SLC17A3: variants seen among roughly 807,000 people sequenced by gnomAD.
SLC17A3 encodes the protein solute carrier family 17 member 3.
In SLC17A3, 61 loss-of-function variants were observed where a neutral mutation model predicts 60.3. That is an observed-to-expected ratio of 1.01 (90% confidence interval 0.82 to 1.25). The LOEUF is 1.25. Among genes scored for constraint, SLC17A3 ranks in the 50% most tolerant of loss-of-function variants. The pLI, the probability that SLC17A3 is intolerant of heterozygous loss-of-function variation, is 0.00. For synonymous variants in SLC17A3, 192 were observed against 208.9 expected (o/e 0.92, Z 0.70); for missense variants, 624 against 594.9 (o/e 1.05, Z -0.51).
Position 25,856,788 on chromosome 6 carries a change from A to G in SLC17A3, c.626-1558T>C, listed in dbSNP as rs1457777436. Among the ~76,000 whole-genome samples the G allele has an allele frequency of 2.6e-5, 4 of 151,216 alleles. No homozygotes were observed. The East Asian group carries it at 7.8e-4, about 30-fold the overall frequency. The stretch of plus-strand genomic sequence containing the variant: ...CTTGAACCCAGGAGGCGGAGGTTGC[A>G]GTGAGCCGAGATTGCGCCACTGCAC... On this transcript the variant is annotated intron_variant, in intron 5 of 12. Coordinates refer to ENST00000397060, the MANE Select transcript of SLC17A3 (RefSeq NM_001098486.2).
At chr6:25,862,153 A>T in intron 3 of SLC17A3, 80 bp downstream of exon 3, 2 of 1,446,150 alleles carry the variant, frequency 1.4e-6, no homozygotes, top group Non-Finnish European at 1.9e-6. Context: ...GTTTTTAAAC[A>T]TACATACTCT....
rs1482371394 is a variant in SLC17A3, at chr6:25,861,634, A to T, written c.615T>A (p.Ile205=). ...ATTACATGTCCTTACCTGATAAAGC[A>T]ATGCTGCAGAGTCTGCTTCGTTCTT... ...PPQERSRLCS[I]ALSGMLLGCF... The change falls in exon 5 of 13, where the codon ATT becomes ATA. Residue 205 remains isoleucine (I), a synonymous_variant. Transcript: ENST00000397060. 3.1e-6 allele frequency: 5 copies of T among 1,613,798 alleles called. No homozygotes were observed. Among genetic ancestry groups the T allele is most frequent in the Non-Finnish European group, 4.2e-6 (5 of 1,179,786 alleles).
rs189283012 is a variant in SLC17A3 at position 25,849,561 on chromosome 6, C to T, written c.1272-97G>A. 61 of 781,830 alleles carry T rather than the reference C, an allele frequency of 7.8e-5. No individual in the cohort carries two copies. The African/African-American group carries it at 8.6e-4, about 11-fold the overall frequency. 48.4% of individuals were successfully genotyped at this position (781,830 alleles called of 1,614,324 possible). On this transcript the variant is annotated intron_variant, in intron 10 of 12. Transcript: ENST00000397060. ...ATGAATCTATAACTCAATTATATTT[C>T]ACAATTATATATAATTATAATTAGA...
intron 5 of SLC17A3, 53 bp downstream of exon 5, chr6:25,861,571 C>G: frequency 7.0e-7 from 1 of 1,434,434 alleles, no homozygotes; most frequent in South Asian, 1.1e-5. Flanking sequence ...GTCAAGGAAC[C>G]CAGTGGGAAA....
At chr6:25,857,273 TTAAC>T (rs1185570115) in intron 5 of SLC17A3, among the ~76,000 whole-genome samples, 2 of 151,652 alleles carry the variant, frequency 1.3e-5, no homozygotes, top group African/African-American at 4.9e-5. Context: ...TTTTCTATCT[TTAAC>T]TATTATTTTT....
At chr6:25,870,326 C>G (rs892712904) in intron 1 of SLC17A3, among the ~76,000 whole-genome samples, 6 of 151,942 alleles carry the variant, frequency 3.9e-5, no homozygotes, top group African/African-American at 4.8e-5. Flanking sequence ...GCTGGGTCAA[C>G]CTGCATTGTT....
intron 1 of SLC17A3, among the ~76,000 whole-genome samples, chr6:25,869,490 G>A (rs765054326): frequency 2.0e-5 from 3 of 151,952 alleles, no homozygotes; most frequent in Non-Finnish European, 4.4e-5. Flanking sequence ...TCAGAGGTAT[G>A]TTTTCACCAA....
intron 5 of SLC17A3, among the ~76,000 whole-genome samples, chr6:25,855,651 T>C (rs558223302): frequency 6.6e-6 from 1 of 152,160 alleles, no homozygotes; most frequent in South Asian, 2.1e-4. Context: ...ATAAATAATA[T>C]ATATCTACAC....
rs1581518019 is a variant in SLC17A3 at position 25,846,621 on chromosome 6, C to CT, written c.1363-1106dup. Reference sequence around the variant, plus strand: ...TGGAAATATTCTTTTCTTTTCTTTTCTTTTTTTGAGACAGAGTCTCACTTT... The same window carrying CT: ...TGGAAATATTCTTTTCTTTTCTTTTCTTTTTTTTGAGACAGAGTCTCACTTT... On this transcript the variant is annotated intron_variant, in intron 11 of 12. Transcript: ENST00000397060. Among the ~76,000 whole-genome samples, 5 of 152,136 alleles carry CT rather than the reference C, an allele frequency of 3.3e-5. No individual in the cohort carries two copies. The South Asian group carries it at 1.0e-3, about 32-fold the overall frequency.
chr6:25,857,653 AT>A (rs1255173838), intron 5 of SLC17A3, among the ~76,000 whole-genome samples: 1 of 152,174 alleles, frequency 6.6e-6, no homozygotes, highest in Non-Finnish European at 1.5e-5. Flanking sequence ...AGAGAGAAAA[AT>A]TAAATAACTT....
intron 2 of SLC17A3, among the ~76,000 whole-genome samples, chr6:25,863,245 T>C (rs1235546929): frequency 5.9e-5 from 9 of 152,016 alleles, no homozygotes; most frequent in Non-Finnish European, 1.3e-4. Context: ...AGTTAAAATC[T>C]GGGGAAAGAA....
chr6:25,850,091 T>C lies in SLC17A3; in HGVS notation c.1080A>G (p.Lys360=), dbSNP rs963194692. 2.5e-6 allele frequency: 4 copies of C among 1,613,836 alleles called. No homozygotes were observed. Among genetic ancestry groups the C allele is most frequent in the Non-Finnish European group, 3.4e-6 (4 of 1,179,866 alleles). The change falls in exon 9 of 13, where the codon AAA becomes AAG. Residue 360 remains lysine (K), a synonymous_variant. Coordinates refer to ENST00000397060, the MANE Select transcript of SLC17A3 (RefSeq NM_001098486.2). ...TCCTCACAGTGATGAGTCTAAACTT[T>C]TTGGTTAGAAGGAAATCTGCCAGAT... ...GGYLADFLLT[K]KFRLITVRKI...
At chr6:25,862,080 C>A in intron 3 of SLC17A3, 51 bp from the exon 4 acceptor site, 7 of 1,479,540 alleles carry the variant, frequency 4.7e-6, no homozygotes, top group Non-Finnish European at 5.5e-6. Flanking sequence ...AAGGTTCTTA[C>A]ATACCCTAGA....
At chr6:25,862,495 T>C in intron 2 of SLC17A3, 51 bp from the exon 3 acceptor site, 1 of 1,409,924 alleles carries the variant, frequency 7.1e-7, no homozygotes, top group East Asian at 2.3e-5. Flanking sequence ...GAGCTAACAT[T>C]AGTTTTTCAC....
chr6:25,856,363 A>T lies in SLC17A3; in HGVS notation c.626-1133T>A, dbSNP rs567689299. ...GCAATCCTTCCACATCAACCTCCGA[A>T]GAAATGGAATGACAGGTGCATGCCA... On this transcript the variant is annotated intron_variant, in intron 5 of 12. Transcript: ENST00000397060. Among the ~76,000 whole-genome samples, 4 of 152,278 alleles carry T rather than the reference A, an allele frequency of 2.6e-5. No homozygotes were observed. The South Asian group carries it at 8.3e-4, about 32-fold the overall frequency.
chr6:25,860,949 G>GGT (rs113466140), intron 5 of SLC17A3, among the ~76,000 whole-genome samples: 6,438 of 152,086 alleles, frequency 0.042, 382 homozygotes, highest in African/African-American at 0.13. Context: ...TGTCAGTCAG[G>GGT]GTGTGTGTGT....
chr6:25,862,084 C>G (rs1438028912), intron 3 of SLC17A3, 55 bp from the exon 4 acceptor site: 1 of 1,455,996 alleles, frequency 6.9e-7, no homozygotes, highest in Non-Finnish European at 9.4e-7. Context: ...TTCTTACATA[C>G]CCTAGAAAGC....
At chr6:25,852,101 A>T (rs754716455) in intron 6 of SLC17A3, among the ~76,000 whole-genome samples, 3 of 151,732 alleles carry the variant, frequency 2.0e-5, no homozygotes, top group Non-Finnish European at 2.9e-5. Context: ...CCAGGTTGAC[A>T]GATTTTGGTT....
chr6:25,873,987 C>T (rs1445639579), intron 1 of SLC17A3, among the ~76,000 whole-genome samples, 180 bp downstream of exon 1: 1 of 152,178 alleles, frequency 6.6e-6, no homozygotes, highest in Non-Finnish European at 1.5e-5. Context: ...TACAAAGCTT[C>T]AGCTTCCTGC....
Sources: allele counts gnomAD v4.1 joint callset (sites outside exome capture counted in the v4.1 genomes callset), GRCh38; gene constraint gnomAD v4.1.1; transcripts MANE v1.5; gene names NCBI Gene and HGNC (gene_info 2026-07-23, HGNC 2026-07-21).